Variants in PCDH9 observed in about 807,000 individuals in gnomAD.
PCDH9 encodes protocadherin-9.
In PCDH9, 24 loss-of-function variants were observed where a neutral mutation model predicts 70.6. The ratio of observed to expected loss-of-function variants is 0.34; its 90% confidence interval spans 0.25 to 0.48. PCDH9 has a LOEUF of 0.48. Ranked by LOEUF, PCDH9 falls within the 20% of genes least tolerant of loss-of-function variation. PCDH9 has a pLI of 0.99. For synonymous variants in PCDH9, 562 were observed against 558.5 expected, an observed-to-expected ratio of 1.01 and a Z score of -0.09; for missense variants, 1,281 against 1,503.6, an observed-to-expected ratio of 0.85 and a Z score of 2.45.
intron 2 of PCDH9, among the ~76,000 whole-genome samples, chr13:66,981,437 CAAAAAAA>C (rs372208244): frequency 1.3e-5 from 1 of 78,816 alleles, no homozygotes; most frequent in Non-Finnish European, 2.5e-5. Context: ...GACTCCCTCT[CAAAAAAA>C]AAAAAAAAGA....
intron 4 of PCDH9, among the ~76,000 whole-genome samples, chr13:66,600,218 C>T (rs1435901929): frequency 6.6e-6 from 1 of 151,756 alleles, no homozygotes; most frequent in East Asian, 1.9e-4. Context: ...TGTAGGCTTC[C>T]AAAGTGATTT....
At chr13:66,667,564 A>C (rs2078113601) in intron 3 of PCDH9, among the ~76,000 whole-genome samples, 1 of 152,016 alleles carries the variant, frequency 6.6e-6, no homozygotes, top group African/African-American at 2.4e-5. Context: ...TAGGTTAAGA[A>C]CTCCAAATTT....
intron 4 of PCDH9, among the ~76,000 whole-genome samples, chr13:66,527,879 A>G (rs538171975): frequency 2.0e-5 from 3 of 152,154 alleles, no homozygotes; most frequent in East Asian, 1.9e-4. Context: ...TTAGTGGAGC[A>G]TGGTTGTACA....
chr13:66,475,357 T>C (rs1958703396), intron 4 of PCDH9, among the ~76,000 whole-genome samples: 1 of 152,104 alleles, frequency 6.6e-6, no homozygotes, highest in African/African-American at 2.4e-5. Flanking sequence ...GCAGAAAATG[T>C]GTTTCCTTAT....
At chr13:67,139,775 T>C (rs535508337) in intron 2 of PCDH9, among the ~76,000 whole-genome samples, 118 of 152,308 alleles carry the variant, frequency 7.7e-4, no homozygotes, top group African/African-American at 2.6e-3. Context: ...TGACTCTGCA[T>C]ATGAACCCTT....
At chr13:66,735,983 T>C (rs937466775) in intron 3 of PCDH9, among the ~76,000 whole-genome samples, 2 of 151,952 alleles carry the variant, frequency 1.3e-5, no homozygotes, top group Non-Finnish European at 2.9e-5. Context: ...AAATTAAAGA[T>C]TAAAGAAGAC....
At position 67,226,817 on chromosome 13, in the gene PCDH9, C is replaced by A. The variant is rs745657830; in HGVS notation, c.1624G>T (p.Val542Leu). The A allele has an allele frequency of 4.3e-6, 7 of 1,613,988 alleles. No homozygotes were observed. The African/African-American group carries it at 9.3e-5, about 22-fold the overall frequency. Residue 542 changes from valine to leucine, a missense_variant, in exon 2 of 5, where the codon GTA becomes TTA. Physicochemically the swap from Val to Leu is conservative, Grantham distance 32 (BLOSUM62 1). This residue lies in a region of PCDH9 where 798 missense variants were observed against 1,003.1 expected (regional missense o/e 0.80). Transcript: ENST00000377865. The surrounding 1 kb of genome is among the most constrained non-coding windows in gnomAD (Gnocchi z 5.0). ...REEQERFIFT[V>L]TARDNGTPPL... ...GGGGTCCCATTGTCCCTGGCAGTTA[C>A]TGTAAAAATGAATCGTTCTTGTTCT...
chr13:66,479,291 A>G (rs534041059), intron 4 of PCDH9, among the ~76,000 whole-genome samples: 75 of 152,362 alleles, frequency 4.9e-4, no homozygotes, highest in Non-Finnish European at 8.2e-4. Flanking sequence ...ATGTAGAAGC[A>G]GATTAATGTT....
intron 3 of PCDH9, among the ~76,000 whole-genome samples, chr13:66,690,891 A>G (rs1374119924): frequency 6.6e-6 from 1 of 152,212 alleles, no homozygotes; most frequent in Non-Finnish European, 1.5e-5. Flanking sequence ...GTCCTCAACC[A>G]CATCTCATGA....
intron 2 of PCDH9, among the ~76,000 whole-genome samples, chr13:67,075,541 T>C (rs1406591174): frequency 6.6e-6 from 1 of 151,816 alleles, no homozygotes; most frequent in Non-Finnish European, 1.5e-5. Flanking sequence ...TCATGATGGG[T>C]TTTTTTTCTT....
At chr13:66,993,751 A>G (rs1436078490) in intron 2 of PCDH9, among the ~76,000 whole-genome samples, 1 of 152,212 alleles carries the variant, frequency 6.6e-6, no homozygotes, top group Admixed American at 6.5e-5. Flanking sequence ...TACGTATCTT[A>G]TAATCACACG....
intron 4 of PCDH9, among the ~76,000 whole-genome samples, chr13:66,480,025 C>G (rs950926948): frequency 6.6e-6 from 1 of 152,210 alleles, no homozygotes; most frequent in South Asian, 2.1e-4. Context: ...CATTTAAGAG[C>G]TGAAACACTC....
intron 3 of PCDH9, among the ~76,000 whole-genome samples, chr13:66,704,580 A>T (rs1183710017): frequency 6.6e-6 from 1 of 152,196 alleles, no homozygotes; most frequent in Admixed American, 6.5e-5. Context: ...AAGAGAGGAG[A>T]GGAAGATTTC....
At chr13:66,416,141 A>T (rs929723103) in intron 4 of PCDH9, among the ~76,000 whole-genome samples, 2 of 152,086 alleles carry the variant, frequency 1.3e-5, no homozygotes, top group Non-Finnish European at 2.9e-5. Flanking sequence ...GGAGAAGGGA[A>T]TATGTTTTGT....
chr13:67,148,226 T>G (rs2087570943), intron 2 of PCDH9, among the ~76,000 whole-genome samples: 1 of 151,928 alleles, frequency 6.6e-6, no homozygotes, highest in Admixed American at 6.6e-5. Flanking sequence ...TCCTGCAAAA[T>G]TACATTAATT....
chr13:67,107,310 G>A (rs569039093), intron 2 of PCDH9, among the ~76,000 whole-genome samples: 33 of 152,198 alleles, frequency 2.2e-4, no homozygotes, highest in Middle Eastern at 3.4e-3. Flanking sequence ...AGGTGGAGCA[G>A]GCAGCCCCAA....
At chr13:66,827,099 G>A (rs2080837347) in intron 3 of PCDH9, among the ~76,000 whole-genome samples, 1 of 152,116 alleles carries the variant, frequency 6.6e-6, no homozygotes, top group Admixed American at 6.5e-5. Flanking sequence ...AAGAGTGGTA[G>A]GAGACATGAA....
chr13:67,014,995 G>A (rs2084530070), intron 2 of PCDH9, among the ~76,000 whole-genome samples: 1 of 151,988 alleles, frequency 6.6e-6, no homozygotes, highest in Admixed American at 6.6e-5. Flanking sequence ...CAATTCCAAA[G>A]ATCAATTCCA....
At chr13:66,640,417 G>A (rs951765096) in intron 3 of PCDH9, among the ~76,000 whole-genome samples, 9 of 152,012 alleles carry the variant, frequency 5.9e-5, no homozygotes, top group African/African-American at 2.2e-4. Flanking sequence ...AGTAGGCCAC[G>A]TTTTTAAAGT....
Sources: allele counts gnomAD v4.1 joint callset (sites outside exome capture counted in the v4.1 genomes callset), GRCh38; gene constraint gnomAD v4.1.1; regional missense constraint gnomAD v4.1.1; non-coding constraint Gnocchi (gnomAD v3.1); transcripts MANE v1.5; gene names NCBI Gene and HGNC (gene_info 2026-07-23, HGNC 2026-07-21).